Variants in ZNF225 observed in about 807,000 individuals in gnomAD.
ZNF225 encodes the protein zinc finger protein 225.
In ZNF225, 6 loss-of-function variants were observed where a neutral mutation model predicts 12.0. The ratio of observed to expected loss-of-function variants is 0.50; its 90% CI spans 0.27 to 0.98. The LOEUF is 0.98. Ranked by LOEUF, ZNF225 falls within the 50% of genes least tolerant of loss-of-function variation. The probability of loss-of-function intolerance (pLI) is 0.11; values close to 1 mark genes in which losing one functional copy is unlikely to be tolerated. For missense variants in ZNF225, 763 were observed against 848.2 expected (o/e 0.90, Z 1.25); for synonymous variants, 271 against 283.2 (o/e 0.96, Z 0.43).
intron 4 of ZNF225, among the ~76,000 whole-genome samples, chr19:44,122,520 C>T (rs2147561750): frequency 6.6e-6 from 1 of 152,096 alleles, no homozygotes; most frequent in South Asian, 2.1e-4. Context: ...CATTTTTTTT[C>T]TAATTCTATG....
At chr19:44,121,026 A>G (rs1324904376) in intron 4 of ZNF225, among the ~76,000 whole-genome samples, 2 of 151,916 alleles carry the variant, frequency 1.3e-5, no homozygotes, top group African/African-American at 2.4e-5. Flanking sequence ...CCTCTCAAGT[A>G]GCTGGGACTA....
chr19:44,130,612 G>T, intron 4 of ZNF225: 2 of 363,524 alleles, frequency 5.5e-6, no homozygotes, highest in East Asian at 5.1e-5. Context: ...GCGGGAGAAT[G>T]GTGTGAACAA....
At chr19:44,113,734 C>G (rs750664026) in intron 1 of ZNF225, among the ~76,000 whole-genome samples, 165 bp downstream of exon 1, 4 of 152,050 alleles carry the variant, frequency 2.6e-5, no homozygotes, top group Non-Finnish European at 4.4e-5. Context: ...CCCTGCACCC[C>G]ACGCGCGTGG....
At chr19:44,124,822 C>T (rs1325364653) in intron 4 of ZNF225, among the ~76,000 whole-genome samples, 4 of 152,138 alleles carry the variant, frequency 2.6e-5, no homozygotes, top group Admixed American at 1.3e-4. Context: ...TGTCTGATAT[C>T]AGAATAGCTA....
At position 44,117,064 on chromosome 19, in the gene ZNF225, T is replaced by C. The variant is rs1449497487; in HGVS notation, c.16-1124T>C. On this transcript the variant is annotated intron_variant, in intron 2 of 4. Coordinates refer to ENST00000262894, the MANE Select transcript of ZNF225 (RefSeq NM_013362.4). ...AGATTATCAATTCTTTGGAATACTA[T>C]GCAGACATGAAATGAGATAAAATAG... 1.3e-5 allele frequency among the ~76,000 whole-genome samples: 2 copies of C among 152,330 alleles called. 1 individual carries two copies. The highest frequency in any genetic ancestry group is 4.1e-4 in the South Asian group (2 of 4,834).
chr19:44,115,749 G>A lies in ZNF225; in HGVS notation c.-68-11G>A. The A allele has an allele frequency of 6.9e-7, 1 of 1,445,172 alleles. No individual in the cohort carries two copies. Among genetic ancestry groups the A allele is most frequent in the Non-Finnish European group, 9.5e-7 (1 of 1,058,180 alleles). 89.5% of individuals were successfully genotyped at this position (1,445,172 alleles called of 1,614,324 possible). On this transcript the variant is annotated splice_polypyrimidine_tract_variant and intron_variant, in intron 1 of 4. Transcript: ENST00000262894. The stretch of plus-strand genomic sequence containing the variant: ...CATGTCTCTTTTTCTGCCTTCCCTG[G>A]TACTTTCCAGGCAGGATTCTGCTTT...
At position 44,132,461 on chromosome 19, in the gene ZNF225, G is replaced by C. The variant is rs766624461; in HGVS notation, c.1847G>C (p.Arg616Thr). ...TENSQLHSHQ[R>T]VHTGEKPYKC... is the part of the protein sequence containing the mutation. ...AATTCACAGCTTCATTCCCATCAGAGGGTTCACACTGGGGAAAAGCCATAC... is the reference window on the plus strand; with the variant it reads ...AATTCACAGCTTCATTCCCATCAGACGGTTCACACTGGGGAAAAGCCATAC... The change falls in exon 5 of 5, where the codon AGG (arginine) becomes ACG (threonine). Residue 616 changes from arginine (R) to threonine (T), a missense_variant. Physicochemically the swap from Arg to Thr is moderately conservative, Grantham distance 71. Transcript: ENST00000262894. 6.2e-7 allele frequency: 1 copy of C among 1,614,152 alleles called. No homozygotes were observed. The highest frequency in any genetic ancestry group is 8.5e-7 in the Non-Finnish European group (1 of 1,180,014).
At chr19:44,118,988 T>G (rs1322997002) in intron 4 of ZNF225, among the ~76,000 whole-genome samples, 1 of 152,132 alleles carries the variant, frequency 6.6e-6, no homozygotes, top group South Asian at 2.1e-4. Context: ...GGCTAATTTT[T>G]TGTATTTTTA....
At chr19:44,127,607 C>T (rs7249904) in intron 4 of ZNF225, among the ~76,000 whole-genome samples, 16,398 of 151,912 alleles carry the variant, frequency 0.11, 1,900 homozygotes, top group African/African-American at 0.29. Flanking sequence ...AATATTCATC[C>T]GTGGAAAGAA....
chr19:44,123,439 C>T (rs527402620), intron 4 of ZNF225, among the ~76,000 whole-genome samples: 8 of 151,870 alleles, frequency 5.3e-5, no homozygotes, highest in Non-Finnish European at 1.0e-4. Flanking sequence ...TCAAGGATAT[C>T]GGTCTGTAGT....
At position 44,133,519 on chromosome 19, in the gene ZNF225, G is replaced by A. The variant is rs1968329587; in HGVS notation, c.*784G>A. On this transcript the variant is annotated 3_prime_UTR_variant, in exon 5 of 5. Transcript: ENST00000262894. The stretch of plus-strand genomic sequence containing the variant: ...CATAATGCATGTGAGCTCGCTTTAA[G>A]CATAAGTGAAGGAGTGGAAAAATCC... 6.6e-6 allele frequency: 1 copy of A among 152,140 alleles called. No homozygotes were observed. The highest frequency in any genetic ancestry group is 6.5e-5 in the Admixed American group (1 of 15,268). 9.4% of individuals were successfully genotyped at this position (152,140 alleles called of 1,614,324 possible). A position where few individuals can be genotyped will look rare whatever the true frequency, so the allele number is the denominator to read the frequency against.
chr19:44,122,699 T>A (rs1275838816), intron 4 of ZNF225, among the ~76,000 whole-genome samples: 2 of 152,200 alleles, frequency 1.3e-5, no homozygotes, highest in African/African-American at 4.8e-5. Context: ...GTTTTCCTTG[T>A]AGAGGTCTTT....
intron 4 of ZNF225, among the ~76,000 whole-genome samples, chr19:44,120,990 A>G (rs2147560044): frequency 6.6e-6 from 1 of 151,742 alleles, no homozygotes; most frequent in East Asian, 1.9e-4. Context: ...TCCGCCTCCC[A>G]GGTTCACGCC....
chr19:44,127,688 C>T (rs899765310), intron 4 of ZNF225, among the ~76,000 whole-genome samples: 1 of 152,052 alleles, frequency 6.6e-6, no homozygotes, highest in Non-Finnish European at 1.5e-5. Flanking sequence ...GCCTCTGTCA[C>T]ACAGACTGGA....
At chr19:44,115,933 C>G (rs1355661309) in intron 2 of ZNF225, 91 bp downstream of exon 2, 2 of 1,342,090 alleles carry the variant, frequency 1.5e-6, no homozygotes, top group Non-Finnish European at 2.1e-6. Flanking sequence ...CTGATTTTGG[C>G]TCATTGCAAC....
Position 44,132,909 on chromosome 19 carries a change from C to T in ZNF225, c.*174C>T, listed in dbSNP as rs1893739505. On this transcript the variant is annotated 3_prime_UTR_variant, in exon 5 of 5. Transcript: ENST00000262894. The stretch of plus-strand genomic sequence containing the variant: ...TTTGAAAATAATACGTTGTTAATTA[C>T]TGTCACCCTGTAGTGGTGTAAAACA... The T allele has an allele frequency of 5.1e-6, 3 of 587,346 alleles. No individual in the cohort carries two copies. The highest frequency in any genetic ancestry group is 8.5e-6 in the Non-Finnish European group (3 of 354,420). 36.4% of individuals were successfully genotyped at this position (587,346 alleles called of 1,614,324 possible). A position where few individuals can be genotyped will look rare whatever the true frequency, so the allele number is the denominator to read the frequency against.
At chr19:44,128,124 A>G (rs774040694) in intron 4 of ZNF225, among the ~76,000 whole-genome samples, 1 of 139,134 alleles carries the variant, frequency 7.2e-6, no homozygotes, top group African/African-American at 2.8e-5. Flanking sequence ...TCACCAATGT[A>G]CATGTACATC....
Position 44,132,776 on chromosome 19 carries a change from C to G in ZNF225, c.*41C>G, listed in dbSNP as rs557278131. The G allele has an allele frequency of 2.6e-5, 37 of 1,423,164 alleles. No homozygotes were observed. The highest frequency in any genetic ancestry group is 3.5e-5 in the Non-Finnish European group (37 of 1,062,972). 88.2% of individuals were successfully genotyped at this position (1,423,164 alleles called of 1,614,324 possible). ...ATGGGGTACAGTGTGATAGTTAATGCAAGTATACAATGTGTAATGATCAAA... is the reference window on the plus strand; with the variant it reads ...ATGGGGTACAGTGTGATAGTTAATGGAAGTATACAATGTGTAATGATCAAA... On this transcript the variant is annotated 3_prime_UTR_variant, in exon 5 of 5. Coordinates refer to ENST00000262894, the MANE Select transcript of ZNF225 (RefSeq NM_013362.4).
intron 4 of ZNF225, among the ~76,000 whole-genome samples, chr19:44,127,593 G>A (rs1267510961): frequency 1.3e-5 from 2 of 151,774 alleles, no homozygotes; most frequent in Non-Finnish European, 2.9e-5. Context: ...CTTTTTGTAG[G>A]GAGAATATTC....
Sources: allele counts gnomAD v4.1 joint callset (sites outside exome capture counted in the v4.1 genomes callset), GRCh38; gene constraint gnomAD v4.1.1; transcripts MANE v1.5; gene names NCBI Gene and HGNC (gene_info 2026-07-23, HGNC 2026-07-21).